Variants in MYO1H observed in about 807,000 individuals in gnomAD.
MYO1H encodes the protein myosin IH.
A neutral mutation model predicts 149.3 loss-of-function variants in MYO1H; 118 were observed. The observed-to-expected ratio is 0.79, with a 90% CI of 0.68 to 0.92. The LOEUF is 0.92. MYO1H is among the 40% of genes least tolerant of loss of function. MYO1H has a pLI of 0.00. For missense variants in MYO1H, 1,212 were observed against 1,280.7 expected (o/e 0.95, Z 0.82); for synonymous variants, 447 against 465.2 (o/e 0.96, Z 0.50).
At chr12:109,443,553 A>G (rs1411350180) in exon 28 of MYO1H, 1 of 1,613,872 alleles carries the variant, frequency 6.2e-7, no homozygotes, top group Non-Finnish European at 8.5e-7. Context: ...AAAAGGCTTC[A>G]AAGCACGGCA....
intron 14 of MYO1H, among the ~76,000 whole-genome samples, chr12:109,414,965 G>A (rs973729297): frequency 6.6e-6 from 1 of 151,976 alleles, no homozygotes; most frequent in Non-Finnish European, 1.5e-5. Flanking sequence ...TCCTGCCTCA[G>A]CCTCCCAAAG....
chr12:109,331,806 CT>C, the MYO1H span, among the ~76,000 whole-genome samples: 1 of 152,178 alleles, frequency 6.6e-6, no homozygotes, highest in African/African-American at 2.4e-5. Flanking sequence ...AGATAAGCTG[CT>C]TTTGTCTAAT....
intron 1 of MYO1H, among the ~76,000 whole-genome samples, chr12:109,373,489 A>T (rs1323861103): frequency 6.6e-6 from 1 of 152,136 alleles, no homozygotes; most frequent in African/African-American, 2.4e-5. Flanking sequence ...TGGTAAATCT[A>T]TTATTAATAG....
intron 1 of MYO1H, 74 bp from the exon 2 acceptor site, chr12:109,388,609 T>A: frequency 7.5e-7 from 1 of 1,326,930 alleles, no homozygotes; most frequent in Non-Finnish European, 1.0e-6. Context: ...AGCATCTTGT[T>A]ATTTCCATGC....
At chr12:109,395,024 A>C (rs1303266105) in intron 3 of MYO1H, among the ~76,000 whole-genome samples, 5 of 152,110 alleles carry the variant, frequency 3.3e-5, no homozygotes, top group South Asian at 4.1e-4. Flanking sequence ...CAGCCTCCGA[A>C]AGTGCTGGGA....
chr12:109,400,975 G>A (rs1870134388), intron 5 of MYO1H, 118 bp from the exon 6 acceptor site: 1 of 888,810 alleles, frequency 1.1e-6, no homozygotes, highest in African/African-American at 1.7e-5. Flanking sequence ...CCAAAAAAAA[G>A]AAAGAAGATT....
At chr12:109,444,800 G>A (rs1411780873) in intron 30 of MYO1H, among the ~76,000 whole-genome samples, 4 of 151,882 alleles carry the variant, frequency 2.6e-5, no homozygotes, top group South Asian at 2.1e-4. Flanking sequence ...CCCAGGAAGC[G>A]GAGGTTGCAA....
At chr12:109,447,279 A>T in exon 32 of MYO1H, 1 of 1,080,854 alleles carries the variant, frequency 9.3e-7, no homozygotes, top group Non-Finnish European at 1.4e-6. Context: ...TACCTCTTCA[A>T]GGTACCAGGC....
rs760807819 is a variant in MYO1H, at chr12:109,415,551, C to T, written c.1528C>T (p.Arg510Ter). Residue 510 changes from arginine (R) to a stop codon, truncating the protein, a stop_gained, in exon 15 of 32, where the codon CGA becomes TGA. Transcript: ENST00000310903. LOFTEE classifies it high-confidence loss of function. ...CCGTAAGCTGGCTGGTCCAAAGGGC[C>T]GAAAGAGGATTGGCTGGATGGAGTT... 90 of 1,607,566 alleles carry T rather than the reference C, an allele frequency of 5.6e-5. 1 individual carries two copies. Among genetic ancestry groups the T allele is most frequent in the Middle Eastern group, 1.6e-4 (1 of 6,080 alleles).
Position 109,403,968 on chromosome 12 carries a change from C to T in MYO1H, c.751-14C>T. On this transcript the variant is annotated splice_polypyrimidine_tract_variant and intron_variant, in intron 6 of 31. Transcript: ENST00000310903. ...TAAAAATGACATTAAGTGACTCAAA[C>T]TTTTTGTCAACAGGGTCATTGTGCC... 6.2e-7 allele frequency: 1 copy of T among 1,604,746 alleles called. No homozygotes were observed. The highest frequency in any genetic ancestry group is 8.5e-7 in the Non-Finnish European group (1 of 1,172,464).
chr12:109,423,109 T>G (rs1328904212), intron 16 of MYO1H, among the ~76,000 whole-genome samples: 1 of 152,040 alleles, frequency 6.6e-6, no homozygotes, highest in African/African-American at 2.4e-5. Flanking sequence ...AAAAAAATTT[T>G]TTTGAGATGT....
At chr12:109,388,955 A>C in intron 2 of MYO1H, 111 bp downstream of exon 2, 1 of 1,339,094 alleles carries the variant, frequency 7.5e-7, no homozygotes, top group Non-Finnish European at 1.0e-6. Context: ...CATTAAAGGG[A>C]GATACTGAGG....
At chr12:109,365,672 C>G (rs573689243) in intron 1 of MYO1H, among the ~76,000 whole-genome samples, 5 of 152,254 alleles carry the variant, frequency 3.3e-5, no homozygotes, top group Non-Finnish European at 7.3e-5. Context: ...ATGATAATAC[C>G]TATTTCACAG....
chr12:109,442,428 GA>G (rs1872178901), intron 27 of MYO1H, among the ~76,000 whole-genome samples, 156 bp downstream of exon 27: 1 of 152,280 alleles, frequency 6.6e-6, no homozygotes, highest in East Asian at 1.9e-4. Flanking sequence ...TAACTAAGAT[GA>G]TGGGGAACAA....
chr12:109,345,790 C>T (rs2136988676), upstream of MYO1H, among the ~76,000 whole-genome samples: 1 of 152,264 alleles, frequency 6.6e-6, no homozygotes, highest in South Asian at 2.1e-4. Flanking sequence ...TGTACTGGTT[C>T]ATGCTAAAAC....
At chr12:109,396,618 C>T in intron 4 of MYO1H, 36 bp downstream of exon 4, 6 of 1,562,438 alleles carry the variant, frequency 3.8e-6, no homozygotes, top group Non-Finnish European at 5.2e-6. Flanking sequence ...AAGGGAGTTC[C>T]AGGGAGGTCA....
At chr12:109,411,161 A>T (rs1870652013) in intron 13 of MYO1H, among the ~76,000 whole-genome samples, 1 of 151,756 alleles carries the variant, frequency 6.6e-6, no homozygotes, top group African/African-American at 2.4e-5. Context: ...AAATAAAAAT[A>T]AAAAAAGGGT....
At chr12:109,353,564 G>A (rs1470667323) in intron 1 of MYO1H, among the ~76,000 whole-genome samples, 2 of 152,150 alleles carry the variant, frequency 1.3e-5, no homozygotes, top group Middle Eastern at 3.4e-3. Context: ...GATGAATCAC[G>A]TTATTTTTAA....
At chr12:109,445,949 C>G (rs761017308) in intron 31 of MYO1H, 10 of 985,386 alleles carry the variant, frequency 1.0e-5, no homozygotes, top group Middle Eastern at 5.2e-4. Context: ...AACTTCCCCC[C>G]ACGTGGAAAT....
Sources: allele counts gnomAD v4.1 joint callset (sites outside exome capture counted in the v4.1 genomes callset), GRCh38; gene constraint gnomAD v4.1.1; transcripts MANE v1.5; gene names NCBI Gene and HGNC (gene_info 2026-07-23, HGNC 2026-07-21).